Variants in TSHZ2 observed in about 807,000 individuals in gnomAD.
TSHZ2 encodes the protein teashirt zinc finger homeobox 2.
Under a neutral mutation model 74.4 loss-of-function variants are expected in TSHZ2, and 21 were observed. The ratio of observed to expected loss-of-function variants is 0.28; its 90% confidence interval spans 0.20 to 0.41. The LOEUF (loss-of-function observed/expected upper bound fraction) is 0.41, where lower values mean the gene tolerates loss of function less well. Among genes scored for constraint, TSHZ2 ranks in the 10% least tolerant of loss-of-function variants. The pLI is 1.00. For missense variants in TSHZ2, 1,244 were observed against 1,293.5 expected (o/e 0.96, Z 0.59); for synonymous variants, 540 against 515.3 (o/e 1.05, Z -0.65).
intron 2 of TSHZ2, among the ~76,000 whole-genome samples, chr20:53,428,798 G>A (rs537650096): frequency 6.6e-6 from 1 of 152,236 alleles, no homozygotes; most frequent in African/African-American, 2.4e-5. Flanking sequence ...TCTCATTCCT[G>A]GAATCATAAA....
chr20:53,458,929 A>T (rs938433498), intron 2 of TSHZ2, among the ~76,000 whole-genome samples: 52 of 152,246 alleles, frequency 3.4e-4, no homozygotes, highest in Non-Finnish European at 6.5e-4. Flanking sequence ...TCTGAGAGAT[A>T]GTTTGTTACA....
At chr20:53,211,509 T>TAA (rs5841934) in intron 1 of TSHZ2, among the ~76,000 whole-genome samples, 1 of 141,032 alleles carries the variant, frequency 7.1e-6, no homozygotes, top group Non-Finnish European at 1.6e-5. Flanking sequence ...TTGCCTGAAA[T>TAA]AAAAAAAAAA....
At chr20:53,022,365 A>G (rs986598326) in intron 1 of TSHZ2, among the ~76,000 whole-genome samples, 1 of 152,182 alleles carries the variant, frequency 6.6e-6, no homozygotes, top group African/African-American at 2.4e-5. Flanking sequence ...GCAGGTTGAC[A>G]GTGTCTCTTC....
intron 2 of TSHZ2, among the ~76,000 whole-genome samples, chr20:53,384,262 G>A (rs550750298): frequency 3.3e-5 from 5 of 152,244 alleles, no homozygotes; most frequent in African/African-American, 4.8e-5. Context: ...GAAACTAGAC[G>A]GGGAAGAAAG....
At chr20:53,248,278 G>A (rs973657236) in intron 1 of TSHZ2, among the ~76,000 whole-genome samples, 14 of 151,666 alleles carry the variant, frequency 9.2e-5, no homozygotes, top group African/African-American at 3.4e-4. Context: ...TAGCTATGTG[G>A]CACAGGCTGG....
chr20:52,990,589 C>A (rs1319272919), intron 1 of TSHZ2, among the ~76,000 whole-genome samples: 1 of 152,112 alleles, frequency 6.6e-6, no homozygotes, highest in African/African-American at 2.4e-5. Context: ...ATGCCGAGCT[C>A]CTGGAGTGTT....
intron 1 of TSHZ2, among the ~76,000 whole-genome samples, chr20:53,169,985 T>C (rs1988157620): frequency 6.6e-6 from 1 of 152,166 alleles, no homozygotes; most frequent in Admixed American, 6.5e-5. Context: ...TTTTTTCTGA[T>C]CTGCATACCA....
intron 2 of TSHZ2, among the ~76,000 whole-genome samples, chr20:53,467,831 T>C (rs927868860): frequency 7.9e-5 from 12 of 152,182 alleles, no homozygotes; most frequent in Non-Finnish European, 1.5e-5. Flanking sequence ...AAGAACCACC[T>C]TTCCATGAGG....
chr20:53,019,288 T>C (rs1412183535), intron 1 of TSHZ2, among the ~76,000 whole-genome samples: 1 of 152,050 alleles, frequency 6.6e-6, no homozygotes, highest in Non-Finnish European at 1.5e-5. Flanking sequence ...CATTTAAATT[T>C]CAGGGTATTT....
In TSHZ2 at chr20:53,220,709, G is replaced by A. The variant is rs536560365; in HGVS notation, c.41-32790G>A. 4.0e-4 allele frequency among the ~76,000 whole-genome samples: 61 copies of A among 152,256 alleles called. No individual in the cohort carries two copies. The South Asian group carries it at 6.6e-3, about 17-fold the overall frequency. ...TGACTGCTCCCGGATGTGAGGGGCC[G>A]GTCATGCATCCTGTGGCACCTTGTA... On this transcript the variant is annotated intron_variant, in intron 1 of 2. Transcript: ENST00000371497.
At chr20:53,352,305 C>G (rs950588469) in intron 2 of TSHZ2, among the ~76,000 whole-genome samples, 2 of 149,142 alleles carry the variant, frequency 1.3e-5, no homozygotes, top group African/African-American at 2.5e-5. Flanking sequence ...TTTCCAGAAC[C>G]CCAGTCCTTT....
intron 2 of TSHZ2, among the ~76,000 whole-genome samples, chr20:53,272,562 CTCTCA>C (rs1287821733): frequency 1.8e-4 from 28 of 152,318 alleles, no homozygotes; most frequent in Admixed American, 1.6e-3. Flanking sequence ...ATACTTACGT[CTCTCA>C]TCCGTGAGGC....
chr20:53,052,424 T>A (rs1984503491), intron 1 of TSHZ2, among the ~76,000 whole-genome samples: 1 of 152,202 alleles, frequency 6.6e-6, no homozygotes, highest in Admixed American at 6.5e-5. Flanking sequence ...GTGAGGGATC[T>A]AGGTTATGTG....
rs1600623217 is a variant in TSHZ2, at chr20:52,973,021, A to T, written c.-273A>T. The T allele has an allele frequency of 2.5e-6, 1 of 405,442 alleles. No individual in the cohort carries two copies. The highest frequency in any genetic ancestry group is 3.6e-5 in the East Asian group (1 of 27,714). The allele number at this position is 405,442 out of a possible 1,614,324, so 25.1% of individuals were successfully genotyped here. ...AAACAAAAAAGAGAGAGGAAAAAAA[A>T]TTCAAAATAAACAAACAAACAAACA... On this transcript the variant is annotated 5_prime_UTR_variant, in exon 1 of 3. Transcript: ENST00000371497.
In TSHZ2 at chr20:53,191,533, C is replaced by T. The variant is rs187377278; in HGVS notation, c.41-61966C>T. Among the ~76,000 whole-genome samples the T allele has an allele frequency of 3.9e-5, 6 of 152,246 alleles. No individual in the cohort carries two copies. In the East Asian group the frequency reaches 7.7e-4, roughly 20 times the overall value. The stretch of plus-strand genomic sequence containing the variant: ...CAAACATTAGCTGGGTGTGGTGGCA[C>T]GTGGCTGTAGTCTCAGCCACTTGGG... On this transcript the variant is annotated intron_variant, in intron 1 of 2. Coordinates refer to ENST00000371497, the MANE Select transcript of TSHZ2 (RefSeq NM_173485.6).
chr20:53,182,967 C>A (rs985110316), intron 1 of TSHZ2, among the ~76,000 whole-genome samples: 2 of 152,158 alleles, frequency 1.3e-5, no homozygotes, highest in African/African-American at 2.4e-5. Flanking sequence ...ACTTTACAAA[C>A]CCTTTCAGTC....
chr20:53,492,207 A>G lies in TSHZ2; in HGVS notation c.*5072A>G, dbSNP rs1986468006. On this transcript the variant is annotated 3_prime_UTR_variant, in exon 3 of 3. Coordinates refer to ENST00000371497, the MANE Select transcript of TSHZ2 (RefSeq NM_173485.6). ...AATAGCTAATATTAACAGAATTTGAACAATCATACAATTATGTCTCAAATG... is the reference window on the plus strand; with the variant it reads ...AATAGCTAATATTAACAGAATTTGAGCAATCATACAATTATGTCTCAAATG... The G allele has an allele frequency of 6.6e-6, 1 of 152,222 alleles. No individual in the cohort carries two copies. The highest frequency in any genetic ancestry group is 1.5e-5 in the Non-Finnish European group (1 of 68,042). 9.4% of individuals were successfully genotyped at this position (152,222 alleles called of 1,614,324 possible).
intron 2 of TSHZ2, among the ~76,000 whole-genome samples, chr20:53,386,117 T>C (rs1982036370): frequency 6.6e-6 from 1 of 152,190 alleles, no homozygotes; most frequent in Non-Finnish European, 1.5e-5. Flanking sequence ...ACCCCTCACC[T>C]CTTAGCGTGG....
At chr20:53,155,509 A>G (rs1431037893) in intron 1 of TSHZ2, among the ~76,000 whole-genome samples, 2 of 151,874 alleles carry the variant, frequency 1.3e-5, no homozygotes, top group Non-Finnish European at 2.9e-5. Context: ...TTGAGGGGAT[A>G]TATCAGGGAC....
Sources: allele counts gnomAD v4.1 joint callset (sites outside exome capture counted in the v4.1 genomes callset), GRCh38; gene constraint gnomAD v4.1.1; transcripts MANE v1.5; gene names NCBI Gene and HGNC (gene_info 2026-07-23, HGNC 2026-07-21).